Variants in CNTNAP5 observed in about 807,000 individuals in gnomAD.
The protein encoded by CNTNAP5 is contactin-associated protein-like 5.
CNTNAP5 carries 72 observed loss-of-function variants against 150.2 expected under a neutral mutation model. The ratio of observed to expected loss-of-function variants is 0.48; its 90% confidence interval spans 0.40 to 0.58. The LOEUF is 0.58. Among genes scored for constraint, CNTNAP5 ranks in the 20% least tolerant of loss-of-function variants. The probability of loss-of-function intolerance (pLI) is 0.00; values close to 1 mark genes in which losing one functional copy is unlikely to be tolerated. For synonymous variants in CNTNAP5, 672 were observed against 619.8 expected (o/e 1.08, Z -1.25); for missense variants, 1,636 against 1,626.2 (o/e 1.01, Z -0.10).
chr2:124,637,462 A>T (rs1259370742), intron 12 of CNTNAP5, among the ~76,000 whole-genome samples: 1 of 152,184 alleles, frequency 6.6e-6, no homozygotes, highest in Admixed American at 6.5e-5. Flanking sequence ...CAGACACATG[A>T]CATCAGTTTG....
At chr2:124,546,203 A>G (rs547353408) in intron 10 of CNTNAP5, among the ~76,000 whole-genome samples, 1 of 152,308 alleles carries the variant, frequency 6.6e-6, no homozygotes, top group East Asian at 1.9e-4. Flanking sequence ...TGAATTCATC[A>G]TAATACAGGC....
intron 11 of CNTNAP5, among the ~76,000 whole-genome samples, chr2:124,609,151 G>C (rs1677316552): frequency 6.6e-6 from 1 of 152,086 alleles, no homozygotes; most frequent in South Asian, 2.1e-4. Context: ...ATGGTATTTG[G>C]ATGATCCAAG....
At chr2:124,410,280 G>A (rs1375313831) in intron 3 of CNTNAP5, among the ~76,000 whole-genome samples, 1 of 148,224 alleles carries the variant, frequency 6.7e-6, no homozygotes, top group Admixed American at 6.7e-5. Flanking sequence ...ATTAATAATG[G>A]GAGACTTTAA....
intron 21 of CNTNAP5, among the ~76,000 whole-genome samples, chr2:124,874,432 G>A (rs1490192505): frequency 6.6e-6 from 1 of 151,942 alleles, no homozygotes; most frequent in South Asian, 2.1e-4. Flanking sequence ...GTTTAACTTG[G>A]CCCTGTCACA....
chr2:124,157,940 G>T (rs2104644392), intron 1 of CNTNAP5, among the ~76,000 whole-genome samples: 1 of 152,276 alleles, frequency 6.6e-6, no homozygotes, highest in Middle Eastern at 3.4e-3. Context: ...TGCCCTAAAA[G>T]GAGGTGCTTA....
chr2:124,514,374 C>A (rs1224471529), intron 8 of CNTNAP5, among the ~76,000 whole-genome samples: 1 of 152,180 alleles, frequency 6.6e-6, no homozygotes, highest in Non-Finnish European at 1.5e-5. Flanking sequence ...AGAGGAATTG[C>A]AGGAGATAGA....
intron 3 of CNTNAP5, among the ~76,000 whole-genome samples, chr2:124,394,379 A>G (rs1335373739): frequency 6.6e-6 from 1 of 151,548 alleles, no homozygotes; most frequent in Non-Finnish European, 1.5e-5. Flanking sequence ...CTCAAAAAAA[A>G]AAAAAAAAAG....
intron 3 of CNTNAP5, among the ~76,000 whole-genome samples, chr2:124,373,722 G>A (rs1690582372): frequency 6.6e-6 from 1 of 152,036 alleles, no homozygotes. Context: ...TGAGCAATGT[G>A]ATTAGGAGGG....
chr2:124,701,823 A>G (rs1291808155), intron 13 of CNTNAP5, among the ~76,000 whole-genome samples: 1 of 152,074 alleles, frequency 6.6e-6, no homozygotes, highest in East Asian at 1.9e-4. Flanking sequence ...TTTGGTGAAG[A>G]AATGTCTATT....
Position 124,082,221 on chromosome 2 carries a change from C to T in CNTNAP5, c.82+56489C>T, listed in dbSNP as rs373912069. Among the ~76,000 whole-genome samples, 161 of 151,872 alleles carry T rather than the reference C, an allele frequency of 1.1e-3. 1 individual carries two copies. Among genetic ancestry groups the T allele is most frequent in the African/African-American group, 3.6e-3 (148 of 41,406 alleles). On this transcript the variant is annotated intron_variant, in intron 1 of 23. Transcript: ENST00000682447. Reference sequence around the variant, plus strand: ...AAAATTAGCCAGGCGTGGTGGCAGGCGCCTGTAGTCCCAGTTACTCGGGAG... The same window carrying T: ...AAAATTAGCCAGGCGTGGTGGCAGGTGCCTGTAGTCCCAGTTACTCGGGAG...
intron 13 of CNTNAP5, among the ~76,000 whole-genome samples, chr2:124,702,237 T>C (rs1418359882): frequency 2.0e-5 from 3 of 151,956 alleles, no homozygotes; most frequent in Non-Finnish European, 4.4e-5. Flanking sequence ...ACATCTGTAT[T>C]TGAGTGGTCA....
chr2:124,794,591 T>A (rs887676100), intron 18 of CNTNAP5, among the ~76,000 whole-genome samples: 28 of 152,226 alleles, frequency 1.8e-4, no homozygotes, highest in African/African-American at 6.8e-4. Flanking sequence ...GCCAAAAACC[T>A]GTCCAGAAAT....
chr2:124,329,209 A>G (rs1689290452), intron 3 of CNTNAP5, among the ~76,000 whole-genome samples: 2 of 152,140 alleles, frequency 1.3e-5, no homozygotes, highest in South Asian at 2.1e-4. Context: ...AACAAAGATT[A>G]TTTTATTACA....
At chr2:124,812,692 G>A (rs1016960625) in intron 19 of CNTNAP5, among the ~76,000 whole-genome samples, 1 of 152,030 alleles carries the variant, frequency 6.6e-6, no homozygotes, top group Admixed American at 6.6e-5. Flanking sequence ...AAAAATTGTA[G>A]ATCTACCTAT....
At chr2:124,615,153 G>A (rs1677468703) in intron 12 of CNTNAP5, among the ~76,000 whole-genome samples, 1 of 152,152 alleles carries the variant, frequency 6.6e-6, no homozygotes. Flanking sequence ...GGTTGCTGAA[G>A]GTTGGGGTGG....
At chr2:124,526,991 G>T (rs781770200) in intron 9 of CNTNAP5, among the ~76,000 whole-genome samples, 20 of 152,234 alleles carry the variant, frequency 1.3e-4, no homozygotes, top group African/African-American at 4.6e-4. Context: ...CCATATAAAA[G>T]AATAGCAAAT....
At chr2:124,725,388 A>G (rs980712852) in intron 13 of CNTNAP5, among the ~76,000 whole-genome samples, 1 of 151,936 alleles carries the variant, frequency 6.6e-6, no homozygotes, top group Non-Finnish European at 1.5e-5. Context: ...GATTACCACA[A>G]TGAAGTTAAC....
intron 13 of CNTNAP5, among the ~76,000 whole-genome samples, chr2:124,659,472 C>T (rs1678537732): frequency 6.6e-6 from 1 of 152,172 alleles, no homozygotes; most frequent in Non-Finnish European, 1.5e-5. Flanking sequence ...CCCACTCTGC[C>T]ACTTATTTTT....
intron 3 of CNTNAP5, among the ~76,000 whole-genome samples, chr2:124,314,736 T>C (rs937191408): frequency 4.6e-5 from 7 of 152,196 alleles, no homozygotes; most frequent in Admixed American, 1.3e-4. Flanking sequence ...CACCTATGTA[T>C]GTATTTATCC....
Sources: allele counts gnomAD v4.1 joint callset (sites outside exome capture counted in the v4.1 genomes callset), GRCh38; gene constraint gnomAD v4.1.1; transcripts MANE v1.5; gene names NCBI Gene and HGNC (gene_info 2026-07-23, HGNC 2026-07-21).